ACP6: variants seen among roughly 807,000 people sequenced by gnomAD.
ACP6 encodes the protein acid phosphatase 6, lysophosphatidic.
A neutral mutation model predicts 48.1 loss-of-function variants in ACP6; 48 were observed. The ratio of observed to expected loss-of-function variants is 1.00; its 90% CI spans 0.79 to 1.27. The LOEUF (loss-of-function observed/expected upper bound fraction) is 1.27, where lower values mean the gene tolerates loss of function less well. ACP6 is among the 50% of genes most tolerant of loss of function. The pLI, the probability that ACP6 is intolerant of heterozygous loss-of-function variation, is 0.00. For synonymous variants in ACP6, 172 were observed against 204.2 expected, an observed-to-expected ratio of 0.84 and a Z score of 1.34; for missense variants, 485 against 529.1, an observed-to-expected ratio of 0.92 and a Z score of 0.82.
At chr1:147,662,355 C>T (rs1230146428) in intron 1 of ACP6, among the ~76,000 whole-genome samples, 1 of 152,160 alleles carries the variant, frequency 6.6e-6, no homozygotes, top group African/African-American at 2.4e-5. Context: ...ATAGTGATTC[C>T]TCTGATGAAT....
downstream of ACP6, among the ~76,000 whole-genome samples, chr1:147,639,062 G>C (rs2101644663): frequency 6.6e-6 from 1 of 152,238 alleles, no homozygotes; most frequent in East Asian, 1.9e-4. Flanking sequence ...TTGCCATGTT[G>C]CTCAGGCTAG....
exon 6 of ACP6, chr1:147,629,879 A>T (rs1553207139): frequency 1.3e-5 from 2 of 152,102 alleles, no homozygotes; most frequent in African/African-American, 2.4e-5. Flanking sequence ...CCTATAGGTG[A>T]CCCCACTTCA....
exon 6 of ACP6, chr1:147,630,870 T>C (rs1311014067): frequency 6.6e-6 from 1 of 152,230 alleles, no homozygotes; most frequent in Non-Finnish European, 1.5e-5. Context: ...TGAAAACTTT[T>C]ATACACACAT....
At chr1:147,638,970 C>T (rs151233047), downstream of ACP6, among the ~76,000 whole-genome samples, 617 of 152,294 alleles carry the variant, frequency 4.1e-3, 6 homozygotes, top group African/African-American at 0.014. Context: ...GATCCTCCCA[C>T]CTCAGCCTCA....
chr1:147,654,289 A>G lies in ACP6; in HGVS notation c.685T>C (p.Ser229Pro). 6.2e-7 allele frequency: 1 copy of G among 1,614,194 alleles called. No individual in the cohort carries two copies. The highest frequency in any genetic ancestry group is 8.5e-7 in the Non-Finnish European group (1 of 1,180,038). ...RQTASLQPGI[S>P]EDLKKVKDRM... Reference sequence around the variant, plus strand: ...TCCTTCACCTTTTTCAAATCCTCTGAGATTCCTGGCTGTAAAGAGGCAGTC... The same window carrying G: ...TCCTTCACCTTTTTCAAATCCTCTGGGATTCCTGGCTGTAAAGAGGCAGTC... Residue 229 changes from serine (S) to proline (P), a missense_variant, in exon 6 of 10, where the codon TCA becomes CCA. Physicochemically the swap from Ser to Pro is moderately conservative, Grantham distance 74. Transcript: ENST00000583509.
At chr1:147,652,762 A>AAAAG in intron 6 of ACP6, 1 of 870,394 alleles carries the variant, frequency 1.1e-6, no homozygotes, top group East Asian at 2.6e-5. Context: ...GGAAAAAAAA[A>AAAAG]AAAGAAAGGG....
chr1:147,660,504 CCA>C (rs1660494388), intron 1 of ACP6, among the ~76,000 whole-genome samples: 1 of 152,218 alleles, frequency 6.6e-6, no homozygotes, highest in Non-Finnish European at 1.5e-5. Flanking sequence ...CTCAATGTTA[CCA>C]CAGTTCTCCT....
intron 4 of ACP6, 81 bp downstream of exon 4, chr1:147,658,879 A>T: frequency 7.4e-7 from 1 of 1,343,320 alleles, no homozygotes; most frequent in South Asian, 1.4e-5. Context: ...GGGAACAGGC[A>T]CCAAGAAAGA....
intron 1 of ACP6, 106 bp downstream of exon 1, chr1:147,669,723 AG>A: frequency 1.6e-6 from 2 of 1,234,000 alleles, no homozygotes; most frequent in Non-Finnish European, 2.2e-6. Flanking sequence ...ACCCAACCCG[AG>A]CCCCGCTCCG....
chr1:147,633,763 A>G (rs587604663), intron 5 of ACP6, among the ~76,000 whole-genome samples: 1 of 152,306 alleles, frequency 6.6e-6, no homozygotes, highest in African/African-American at 2.4e-5. Flanking sequence ...TCAAAAGCAA[A>G]GCTGGTAATA....
At chr1:147,649,959 G>C in intron 8 of ACP6, 184 bp downstream of exon 8, 2 of 542,676 alleles carry the variant, frequency 3.7e-6, no homozygotes, top group South Asian at 5.0e-5. Flanking sequence ...AACATGGTAG[G>C]AGGGGTGCAG....
chr1:147,647,732 T>A, intron 9 of ACP6, 166 bp from the exon 10 acceptor site: 1 of 863,162 alleles, frequency 1.2e-6, no homozygotes, highest in Non-Finnish European at 1.7e-6. Flanking sequence ...ATAAAAGCAC[T>A]ATGCTCTGCT....
At chr1:147,640,788 G>C (rs1445996555), downstream of ACP6, among the ~76,000 whole-genome samples, 4 of 152,194 alleles carry the variant, frequency 2.6e-5, no homozygotes, top group Non-Finnish European at 5.9e-5. Flanking sequence ...GCCAAACGGA[G>C]AGCGGAATCC....
intron 6 of ACP6, 62 bp downstream of exon 6, chr1:147,654,132 T>C: frequency 6.3e-7 from 1 of 1,588,688 alleles, no homozygotes; most frequent in South Asian, 1.1e-5. Flanking sequence ...CTCCACCCGG[T>C]TCTAACTCCG....
At position 147,660,533 on chromosome 1, in the gene ACP6, AC is replaced by A. The variant is rs587606394; in HGVS notation, c.220-759del. ...AGTTCTCCTAGGCCCCAAACCTCAAACCTTTGGCTCCCTGTGGATCCACTAT... is the reference window on the plus strand; with the variant it reads ...AGTTCTCCTAGGCCCCAAACCTCAAACTTTGGCTCCCTGTGGATCCACTAT... On this transcript the variant is annotated intron_variant, in intron 1 of 9. Coordinates refer to ENST00000583509, the MANE Select transcript of ACP6 (RefSeq NM_016361.5). 3.4e-4 allele frequency among the ~76,000 whole-genome samples: 51 copies of A among 152,170 alleles called. No homozygotes were observed. In the South Asian group the frequency reaches 0.01, roughly 30 times the overall value.
chr1:147,665,352 T>C (rs587619138), intron 1 of ACP6, among the ~76,000 whole-genome samples: 5 of 152,296 alleles, frequency 3.3e-5, no homozygotes, highest in East Asian at 3.9e-4. Flanking sequence ...TGTAAGACAT[T>C]TGAGTTAGAC....
At position 147,669,872 on chromosome 1, in the gene ACP6, G is replaced by A. The variant is rs1021937009; in HGVS notation, c.177C>T (p.His59=). The A allele has an allele frequency of 1.5e-5, 24 of 1,600,308 alleles. No homozygotes were observed. The highest frequency in any genetic ancestry group is 1.9e-5 in the Non-Finnish European group (22 of 1,174,238). The change falls in exon 1 of 10, where the codon CAC becomes CAT. Residue 59 remains histidine, a synonymous_variant. Coordinates refer to ENST00000583509, the MANE Select transcript of ACP6 (RefSeq NM_016361.5). ...GCGGCTTGAGAGGACTCCGAGCCCC[G>A]TGTCGAAACACGACCTGCACCATTT... ...KLKMVQVVFR[H]GARSPLKPLP...
intron 5 of ACP6, among the ~76,000 whole-genome samples, chr1:147,631,992 C>T (rs908042329): frequency 6.6e-6 from 1 of 152,078 alleles, no homozygotes; most frequent in African/African-American, 2.4e-5. Flanking sequence ...GTGCTCCAGC[C>T]GAACCATGCT....
rs1258307948 is a variant in ACP6 at position 147,645,371 on chromosome 1, G to C, written c.*2052C>G. ...CCCAAAGTGCTGGGATTACAGGCGT[G>C]AGCCACCGCGCCCGGCCTCAAACTG... On this transcript the variant is annotated 3_prime_UTR_variant, in exon 10 of 10. Transcript: ENST00000583509. 1 of 152,194 alleles carries C rather than the reference G, an allele frequency of 6.6e-6. No homozygotes were observed. The highest frequency in any genetic ancestry group is 6.5e-5 in the Admixed American group (1 of 15,272). The allele number at this position is 152,194 out of a possible 1,614,324, so 9.4% of individuals were successfully genotyped here.
Sources: allele counts gnomAD v4.1 joint callset (sites outside exome capture counted in the v4.1 genomes callset), GRCh38; gene constraint gnomAD v4.1.1; transcripts MANE v1.5; gene names NCBI Gene and HGNC (gene_info 2026-07-23, HGNC 2026-07-21).